The following EIF4G3 variants were observed in gnomAD, a reference collection of about 807,000 sequenced individuals.
The protein encoded by EIF4G3 is eukaryotic translation initiation factor 4 gamma 3, also known as eIF-4-gamma 3.
A neutral mutation model predicts 186.4 loss-of-function variants in EIF4G3; 34 were observed. The observed-to-expected ratio is 0.18, with a 90% CI of 0.14 to 0.24. EIF4G3 has a LOEUF of 0.24. Ranked by LOEUF, EIF4G3 falls within the 10% of genes least tolerant of loss-of-function variation. EIF4G3 has a pLI of 1.00. For missense variants in EIF4G3, 1,536 were observed against 1,948.5 expected (o/e 0.79, Z 3.99); for synonymous variants, 673 against 679.5 (o/e 0.99, Z 0.15).
chr1:20,935,256 C>T (rs772380784), intron 14 of EIF4G3, among the ~76,000 whole-genome samples: 6 of 152,096 alleles, frequency 3.9e-5, no homozygotes, highest in Non-Finnish European at 7.4e-5. Flanking sequence ...TTATTTTTGT[C>T]ATCAGCAAAA....
At chr1:21,046,427 AAAG>A (rs1295168615) in intron 4 of EIF4G3, among the ~76,000 whole-genome samples, 4 of 152,376 alleles carry the variant, frequency 2.6e-5, no homozygotes, top group Non-Finnish European at 5.9e-5. Context: ...CTGTCTTAAC[AAAG>A]AAGCAGGTAA....
chr1:21,110,365 G>A lies in EIF4G3; in HGVS notation c.-271-21152C>T, dbSNP rs982524195. ...GGCTGGAGTGCAGTGACGCAATCGCGGCTCACTGCAACCTCCACCTCCCAG... is the reference window on the plus strand; with the variant it reads ...GGCTGGAGTGCAGTGACGCAATCGCAGCTCACTGCAACCTCCACCTCCCAG... On this transcript the variant is annotated intron_variant, in intron 2 of 36. Coordinates refer to ENST00000602326, the MANE Select transcript of EIF4G3 (RefSeq NM_001391906.1). 4.6e-5 allele frequency among the ~76,000 whole-genome samples: 7 copies of A among 151,684 alleles called. No homozygotes were observed. In the East Asian group the frequency reaches 5.9e-4, roughly 13 times the overall value.
At chr1:20,961,714 G>T (rs1023242536) in intron 12 of EIF4G3, among the ~76,000 whole-genome samples, 4 of 152,054 alleles carry the variant, frequency 2.6e-5, no homozygotes, top group African/African-American at 7.2e-5. Flanking sequence ...CTTTTCAAAT[G>T]TCCCATTTAA....
intron 19 of EIF4G3, among the ~76,000 whole-genome samples, chr1:20,882,357 C>T (rs1053510954): frequency 2.0e-5 from 3 of 151,830 alleles, no homozygotes; most frequent in Admixed American, 1.3e-4. Flanking sequence ...CAGTGGCTCA[C>T]GCCTGTAATC....
intron 2 of EIF4G3, among the ~76,000 whole-genome samples, chr1:21,162,644 G>A (rs1212737547): frequency 6.6e-6 from 1 of 151,978 alleles, no homozygotes; most frequent in African/African-American, 2.4e-5. Flanking sequence ...TCTGTAGGCT[G>A]AGGAAGGACA....
At chr1:20,818,076 A>G (rs2061497248) in intron 33 of EIF4G3, among the ~76,000 whole-genome samples, 1 of 152,102 alleles carries the variant, frequency 6.6e-6, no homozygotes, top group Non-Finnish European at 1.5e-5. Context: ...ATAACCCCCT[A>G]TAATTATCTC....
At chr1:20,869,173 C>T (rs2078402967) in intron 20 of EIF4G3, among the ~76,000 whole-genome samples, 1 of 152,030 alleles carries the variant, frequency 6.6e-6, no homozygotes. Flanking sequence ...AACCCATGGC[C>T]CAGCAGTAGT....
At chr1:20,898,250 G>A (rs919256821) in intron 16 of EIF4G3, among the ~76,000 whole-genome samples, 1 of 152,166 alleles carries the variant, frequency 6.6e-6, no homozygotes, top group African/African-American at 2.4e-5. Flanking sequence ...AGCACTTTGG[G>A]AGGCTGAGGC....
At chr1:20,893,439 C>T in intron 18 of EIF4G3, 78 bp downstream of exon 18, 2 of 1,420,980 alleles carry the variant, frequency 1.4e-6, no homozygotes, top group Non-Finnish European at 1.9e-6. Flanking sequence ...ATAAAAGCTG[C>T]TGTCTTGCCA....
chr1:20,943,056 A>C (rs1374172402), intron 13 of EIF4G3, among the ~76,000 whole-genome samples: 1 of 152,124 alleles, frequency 6.6e-6, no homozygotes, highest in African/African-American at 2.4e-5. Context: ...CCAACTACTC[A>C]AAAGGCTGAG....
intron 14 of EIF4G3, among the ~76,000 whole-genome samples, chr1:20,925,570 G>A (rs547087073): frequency 6.6e-6 from 1 of 152,224 alleles, no homozygotes; most frequent in South Asian, 2.1e-4. Context: ...GTCTTGCTAT[G>A]CTGCCCAAGT....
chr1:21,134,631 T>C (rs1045620387), intron 2 of EIF4G3, among the ~76,000 whole-genome samples: 1 of 152,058 alleles, frequency 6.6e-6, no homozygotes, highest in African/African-American at 2.4e-5. Flanking sequence ...ATCGCACCAC[T>C]GCACTCCAGC....
At chr1:20,948,940 A>T in intron 13 of EIF4G3, among the ~76,000 whole-genome samples, 2 of 139,180 alleles carry the variant, frequency 1.4e-5, no homozygotes, top group South Asian at 2.6e-4. Context: ...GCCCAGGAGG[A>T]GGAGGTTGCA....
At chr1:20,846,857 G>A (rs1009024861) in intron 29 of EIF4G3, among the ~76,000 whole-genome samples, 9 of 152,292 alleles carry the variant, frequency 5.9e-5, no homozygotes, top group East Asian at 3.9e-4. Context: ...TAGAGTTACC[G>A]TGAGGAATGT....
chr1:20,857,563 C>A (rs1218886702), intron 24 of EIF4G3, 66 bp from the exon 25 acceptor site: 8 of 1,255,370 alleles, frequency 6.4e-6, no homozygotes, highest in Non-Finnish European at 9.3e-6. Flanking sequence ...AAAGAGTGAG[C>A]AATATTTTCA....
intron 2 of EIF4G3, among the ~76,000 whole-genome samples, chr1:21,134,815 A>G (rs1478644999): frequency 6.6e-6 from 1 of 152,214 alleles, no homozygotes; most frequent in Non-Finnish European, 1.5e-5. Context: ...TTGTGAAGCC[A>G]GCTGATGAAT....
At chr1:20,807,549 GA>G (rs1327381741) in intron 36 of EIF4G3, 49 bp from the exon 37 acceptor site, 1 of 1,421,672 alleles carries the variant, frequency 7.0e-7, no homozygotes, top group East Asian at 2.4e-5. Flanking sequence ...CTGTAGTTAT[GA>G]GGAAAAGAAT....
chr1:20,817,411 T>C lies in EIF4G3; in HGVS notation c.4496A>G (p.Gln1499Arg). 1.3e-6 allele frequency: 2 copies of C among 1,599,352 alleles called. No individual in the cohort carries two copies. Among genetic ancestry groups the C allele is most frequent in the Non-Finnish European group, 1.7e-6 (2 of 1,171,304 alleles). Residue 1499 changes from glutamine (Q) to arginine (R), a missense_variant, in exon 34 of 37, where the codon CAG (glutamine) becomes CGG (arginine). By Grantham distance (43) the Gln-to-Arg change is conservative. Coordinates refer to ENST00000602326, the MANE Select transcript of EIF4G3 (RefSeq NM_001391906.1). ...LIIEDKANDE[Q>R]IFDWVEANLD... is the part of the protein sequence containing the mutation. ...TTATACCTCTACCCAGTCAAAGATC[T>C]GTTCATCATTCGCTTTGTCCTCAAT...
At chr1:20,955,926 C>G (rs2096401947) in intron 12 of EIF4G3, among the ~76,000 whole-genome samples, 1 of 152,038 alleles carries the variant, frequency 6.6e-6, no homozygotes, top group South Asian at 2.1e-4. Flanking sequence ...TAACTGAGTA[C>G]AGAGATCAAG....
Sources: gnomAD v4.1 joint callset for allele counts (sites outside exome capture counted in the v4.1 genomes callset) on GRCh38, gnomAD v4.1.1 for gene constraint, MANE v1.5 for transcripts, NCBI Gene and HGNC (gene_info 2026-07-23, HGNC 2026-07-21) for gene names.